The following GRM5 variants were observed in gnomAD, a reference collection of about 807,000 sequenced individuals.
GRM5 encodes metabotropic glutamate receptor 5.
Under a neutral mutation model 83.1 loss-of-function variants are expected in GRM5, and 19 were observed. The observed-to-expected ratio is 0.23, with a 90% CI of 0.16 to 0.34. The LOEUF (loss-of-function observed/expected upper bound fraction) is 0.34, where lower values mean the gene tolerates loss of function less well. GRM5 is among the 10% of genes least tolerant of loss of function. GRM5 has a pLI of 1.00. For missense variants in GRM5, 1,160 were observed against 1,588.3 expected, an observed-to-expected ratio of 0.73 and a Z score of 4.58; for synonymous variants, 675 against 633.6, an observed-to-expected ratio of 1.07 and a Z score of -0.98.
At chr11:88,902,514 A>G (rs1405391581) in intron 2 of GRM5, among the ~76,000 whole-genome samples, 1 of 152,176 alleles carries the variant, frequency 6.6e-6, no homozygotes, top group Non-Finnish European at 1.5e-5. Flanking sequence ...GTACTTATTC[A>G]TTCAGAAAAT....
chr11:88,549,908 A>G (rs1195028734), intron 8 of GRM5, among the ~76,000 whole-genome samples: 1 of 152,192 alleles, frequency 6.6e-6, no homozygotes, highest in African/African-American at 2.4e-5. Context: ...GTGGATCAAC[A>G]AGAGAGATTT....
At chr11:88,865,907 A>G (rs573609471) in intron 2 of GRM5, among the ~76,000 whole-genome samples, 7 of 152,272 alleles carry the variant, frequency 4.6e-5, no homozygotes, top group African/African-American at 1.7e-4. Flanking sequence ...TCAGGAAACA[A>G]CAGAAGCTGG....
At chr11:88,521,285 C>T (rs1329787368) in intron 9 of GRM5, among the ~76,000 whole-genome samples, 7 of 151,990 alleles carry the variant, frequency 4.6e-5, no homozygotes, top group Non-Finnish European at 8.8e-5. Flanking sequence ...GGCGTGGTGG[C>T]GGGCATCTGT....
At chr11:88,624,598 C>T (rs966112611) in intron 4 of GRM5, among the ~76,000 whole-genome samples, 8 of 152,290 alleles carry the variant, frequency 5.3e-5, no homozygotes, top group Non-Finnish European at 1.2e-4. Context: ...GGGAGGATCT[C>T]TTGAGCCCAG....
intron 4 of GRM5, among the ~76,000 whole-genome samples, chr11:88,639,309 T>G (rs1367420103): frequency 6.6e-6 from 1 of 152,150 alleles, no homozygotes; most frequent in African/African-American, 2.4e-5. Context: ...TCCTCTCTGA[T>G]TCTGTGCTCT....
At chr11:88,772,516 G>C (rs968930484) in intron 3 of GRM5, among the ~76,000 whole-genome samples, 37 of 151,604 alleles carry the variant, frequency 2.4e-4, no homozygotes, top group Admixed American at 7.2e-4. Flanking sequence ...TTGACACATA[G>C]GTATACATGT....
chr11:88,949,344 C>T (rs186474064), intron 2 of GRM5, among the ~76,000 whole-genome samples: 10 of 152,296 alleles, frequency 6.6e-5, no homozygotes, highest in Non-Finnish European at 7.4e-5. Flanking sequence ...ACTGCACTTG[C>T]CTGTTCAGTA....
intron 2 of GRM5, among the ~76,000 whole-genome samples, chr11:88,894,872 GTCA>G (rs1228495367): frequency 1.3e-5 from 2 of 151,904 alleles, no homozygotes; most frequent in African/African-American, 4.8e-5. Flanking sequence ...TGTGAAGATT[GTCA>G]TCAACAAACC....
intron 8 of GRM5, among the ~76,000 whole-genome samples, chr11:88,564,212 G>T (rs1007502288): frequency 6.6e-6 from 1 of 152,092 alleles, no homozygotes. Context: ...GCAGAAAGAA[G>T]ACCAAACACT....
intron 3 of GRM5, among the ~76,000 whole-genome samples, chr11:88,700,190 G>T (rs150877403): frequency 6.6e-6 from 1 of 152,204 alleles, no homozygotes; most frequent in Non-Finnish European, 1.5e-5. Context: ...CTGGGGAAAA[G>T]GTATATATGT....
intron 8 of GRM5, among the ~76,000 whole-genome samples, chr11:88,547,496 C>T (rs117756710): frequency 3.6e-4 from 55 of 152,212 alleles, no homozygotes; most frequent in Non-Finnish European, 6.0e-4. Context: ...TTGTGCCTGC[C>T]GTTATCTCTT....
chr11:88,763,781 G>A (rs965604395), intron 3 of GRM5, among the ~76,000 whole-genome samples: 9 of 151,522 alleles, frequency 5.9e-5, no homozygotes, highest in African/African-American at 2.2e-4. Context: ...AATTTGTCAC[G>A]ATAAAAAATC....
intron 3 of GRM5, among the ~76,000 whole-genome samples, chr11:88,704,198 C>T (rs1009960694): frequency 6.6e-6 from 1 of 152,032 alleles, no homozygotes; most frequent in Middle Eastern, 3.2e-3. Flanking sequence ...TTCCAAAAGC[C>T]CACCTCCAAA....
At chr11:88,869,443 A>G (rs1246719254) in intron 2 of GRM5, among the ~76,000 whole-genome samples, 1 of 151,698 alleles carries the variant, frequency 6.6e-6, no homozygotes, top group East Asian at 1.9e-4. Context: ...ATGACTGTTC[A>G]TAATCCCTTT....
intron 3 of GRM5, among the ~76,000 whole-genome samples, chr11:88,845,679 C>A (rs1250415228): frequency 2.0e-5 from 3 of 151,802 alleles, no homozygotes; most frequent in Non-Finnish European, 2.9e-5. Context: ...ATGATCCACC[C>A]GCCTCTGCCT....
chr11:88,777,125 G>A (rs149574350), intron 3 of GRM5, among the ~76,000 whole-genome samples: 4,503 of 152,164 alleles, frequency 0.03, 217 homozygotes, highest in African/African-American at 0.099. Flanking sequence ...GTTCTTGGAG[G>A]CTTTGTTCAT....
At chr11:88,585,828 G>GTTAA (rs1235778424) in intron 7 of GRM5, among the ~76,000 whole-genome samples, 2 of 152,124 alleles carry the variant, frequency 1.3e-5, no homozygotes, top group Non-Finnish European at 2.9e-5. Context: ...ATAGGTACCT[G>GTTAA]TTAATTATAA....
At chr11:88,697,260 C>G (rs1591447354) in intron 3 of GRM5, among the ~76,000 whole-genome samples, 2 of 152,300 alleles carry the variant, frequency 1.3e-5, no homozygotes, top group Admixed American at 1.3e-4. Context: ...TGAAGAGCAG[C>G]TGACAGAAGG....
chr11:88,904,907 G>A (rs1176629924), intron 2 of GRM5, among the ~76,000 whole-genome samples: 1 of 152,102 alleles, frequency 6.6e-6, no homozygotes, highest in African/African-American at 2.4e-5. Flanking sequence ...TGCATTATTT[G>A]TTAACCATCT....
Sources: allele counts gnomAD v4.1 joint callset (sites outside exome capture counted in the v4.1 genomes callset), GRCh38; gene constraint gnomAD v4.1.1; transcripts MANE v1.5; gene names NCBI Gene and HGNC (gene_info 2026-07-23, HGNC 2026-07-21).